The following CFAP47 variants were observed in gnomAD, a reference collection of about 807,000 sequenced individuals.
CFAP47 encodes cilia and flagella associated protein 47, also known as cilia- and flagella-associated protein 47.
A neutral mutation model predicts 148.1 loss-of-function variants in CFAP47; 29 were observed. The observed-to-expected ratio is 0.20, with a 90% confidence interval of 0.15 to 0.27. The LOEUF (loss-of-function observed/expected upper bound fraction) is 0.27, where lower values mean the gene tolerates loss of function less well. Among genes scored for constraint, CFAP47 ranks in the 10% least tolerant of loss-of-function variants. CFAP47 has a pLI of 1.00. For missense variants in CFAP47, 1,872 were observed against 1,697.5 expected (o/e 1.10, Z -1.81); for synonymous variants, 664 against 577.3 (o/e 1.15, Z -2.15).
intron 48 of CFAP47, among the ~76,000 whole-genome samples, chrX:36,237,850 C>CTTTGCTT (rs1342067453): frequency 1.8e-5 from 2 of 110,309 alleles, no homozygotes; most frequent in Non-Finnish European, 3.8e-5. Flanking sequence ...TGGGTTTACT[C>CTTTGCTT]TTTGCTTTTT....
Position 36,348,230 on chromosome X carries a change from G to A in CFAP47, c.8545G>A (p.Ala2849Thr), listed in dbSNP as rs887813864. ...KTMVIIEMTK[A>T]NGKYWPIDNF... ...AATGGTTATTATTGAGATGACGAAAGCAAATGGAAAATATTGGCCTATTGA... is the reference window on the plus strand; with the variant it reads ...AATGGTTATTATTGAGATGACGAAAACAAATGGAAAATATTGGCCTATTGA... Residue 2849 changes from alanine (A) to threonine (T), a missense_variant, in exon 58 of 64, where the codon GCA (alanine) becomes ACA (threonine). Ala to Thr is a moderately conservative substitution (Grantham distance 58). Coordinates refer to ENST00000378653, the MANE Select transcript of CFAP47 (RefSeq NM_001304548.2). 5 of 1,061,557 alleles carry A rather than the reference G, an allele frequency of 4.7e-6. No homozygotes were observed. Among genetic ancestry groups the A allele is most frequent in the Non-Finnish European group, 2.4e-6 (2 of 819,764 alleles). 87.5% of individuals were successfully genotyped at this position (1,061,557 alleles called of 1,213,427 possible).
rs782109361 is a variant in CFAP47, at chrX:36,302,015, G to T, written c.7970+836G>T. 8.3e-5 allele frequency among the ~76,000 whole-genome samples: 9 copies of T among 108,341 alleles called. No individual in the cohort carries two copies. The South Asian group carries it at 3.7e-3, about 44-fold the overall frequency. The allele number at this position is 108,341 out of a possible 115,157, so 94.1% of individuals were successfully genotyped here. ...GTACCAGCTCTTTAGCCAAAACAAT[G>T]ACATTTGAAATTTTTTTCTTACAGT... is the stretch of plus-strand genomic sequence containing the variant. On this transcript the variant is annotated intron_variant, in intron 53 of 63. Coordinates refer to ENST00000378653, the MANE Select transcript of CFAP47 (RefSeq NM_001304548.2).
At position 35,939,473 on chromosome X, in the gene CFAP47, T is replaced by C. The variant is rs1473872285; in HGVS notation, c.402-1810T>C. Among the ~76,000 whole-genome samples, 4 of 81,786 alleles carry C rather than the reference T, an allele frequency of 4.9e-5. No individual in the cohort carries two copies. The East Asian group carries it at 1.7e-3, about 36-fold the overall frequency. The allele number at this position is 81,786 out of a possible 115,157, so 71.0% of individuals were successfully genotyped here. On this transcript the variant is annotated intron_variant, in intron 2 of 63. Transcript: ENST00000378653. The stretch of plus-strand genomic sequence containing the variant: ...CCCCACCCCACAACAGTCCCCAGAG[T>C]GTGATGCTCCCCTTCCTGTGTCCAT...
chrX:35,926,120 G>A lies in CFAP47; in HGVS notation c.353G>A (p.Arg118Gln), dbSNP rs370040967. 25 of 1,203,276 alleles carry A rather than the reference G, an allele frequency of 2.1e-5. No homozygotes were observed. Among genetic ancestry groups the A allele is most frequent in the Non-Finnish European group, 2.5e-5 (22 of 889,952 alleles). Residue 118 changes from arginine (R) to glutamine (Q), a missense_variant, in exon 2 of 64, where the codon CGG becomes CAG. Transcript: ENST00000378653. ...GATAAAGACGAAGACACTTTTGACC[G>A]GCTACTTATTTCAATAGAAAATAAA... ...HPDKDEDTFD[R>Q]LLISIENKTT...
chrX:36,297,846 G>A (rs1385356946), intron 51 of CFAP47, among the ~76,000 whole-genome samples: 1 of 111,764 alleles, frequency 8.9e-6, no homozygotes, highest in Non-Finnish European at 1.9e-5. Flanking sequence ...AGCATCATGT[G>A]GAAACTTTTT....
intron 33 of CFAP47, among the ~76,000 whole-genome samples, chrX:36,117,796 T>C (rs1276883628): frequency 9.0e-6 from 1 of 111,730 alleles, no homozygotes; most frequent in Non-Finnish European, 1.9e-5. Flanking sequence ...GATTGTGGGG[T>C]ATTAATAAAG....
chrX:36,128,609 A>C (rs751736237), intron 33 of CFAP47, among the ~76,000 whole-genome samples: 1 of 110,619 alleles, frequency 9.0e-6, no homozygotes, highest in African/African-American at 3.3e-5. Context: ...GTATAATCTT[A>C]AACAGAGCAT....
chrX:36,061,826 TG>T (rs955754741), intron 26 of CFAP47, among the ~76,000 whole-genome samples: 13 of 111,933 alleles, frequency 1.2e-4, no homozygotes, highest in Middle Eastern at 4.6e-3. Context: ...TTTATGGTGA[TG>T]GGGGTGGTCA....
chrX:35,923,866 CATATATGTATATATGTACATATAT>C (rs1935620418), intron 1 of CFAP47, among the ~76,000 whole-genome samples: 2 of 92,022 alleles, frequency 2.2e-5, no homozygotes, highest in East Asian at 6.7e-4. Context: ...TATATATGTA[CATATATGTATATATGTACATATAT>C]ATGTGTATAT....
chrX:36,381,743 G>T (rs1462727838), intron 63 of CFAP47, among the ~76,000 whole-genome samples: 2 of 110,288 alleles, frequency 1.8e-5, no homozygotes, highest in Non-Finnish European at 3.8e-5. Flanking sequence ...ATAAATCTTA[G>T]TTTATGAAAA....
In CFAP47 at chrX:36,351,401, C is replaced by G. The variant is rs927000607; in HGVS notation, c.8698+1269C>G. 2.7e-5 allele frequency among the ~76,000 whole-genome samples: 3 copies of G among 111,715 alleles called. No individual in the cohort carries two copies. In the South Asian group the frequency reaches 1.1e-3, roughly 41 times the overall value. ...ATTGTATACTTCTGATATAGCTGAA[C>G]TGCTTAAAATTTATAATACACAGTC... On this transcript the variant is annotated intron_variant, in intron 59 of 63. Transcript: ENST00000378653.
chrX:36,148,658 A>G (rs2146841038), intron 36 of CFAP47, among the ~76,000 whole-genome samples: 1 of 111,901 alleles, frequency 8.9e-6, no homozygotes, highest in South Asian at 3.8e-4. Context: ...ATTCAGCCTG[A>G]AACTGTTTTT....
chrX:35,929,788 C>T (rs1438111733), intron 2 of CFAP47, among the ~76,000 whole-genome samples: 3 of 110,855 alleles, frequency 2.7e-5, no homozygotes, highest in Non-Finnish European at 5.7e-5. Context: ...CACTTGAGGC[C>T]AGGAGTTCGA....
rs193228606 is a variant in CFAP47 at position 36,320,721 on chromosome X, T to C, written c.8443+1414T>C. Among the ~76,000 whole-genome samples, 188 of 112,372 alleles carry C rather than the reference T, an allele frequency of 1.7e-3. 2 individuals are homozygous for C. Among genetic ancestry groups the C allele is most frequent in the African/African-American group, 5.8e-3 (179 of 31,043 alleles). On this transcript the variant is annotated intron_variant, in intron 57 of 63. Transcript: ENST00000378653. The stretch of plus-strand genomic sequence containing the variant: ...AGATACTGATTTTTAAAAATGACCA[T>C]CTAGATTTTTTCCCTTTTTTTAAGT...
At chrX:36,342,581 A>G (rs144733846) in intron 57 of CFAP47, among the ~76,000 whole-genome samples, 3,208 of 111,380 alleles carry the variant, frequency 0.029, 47 homozygotes, top group Non-Finnish European at 0.043. Flanking sequence ...TGGAAATGCT[A>G]TGAAGCTAGC....
At position 36,303,436 on chromosome X, in the gene CFAP47, C is replaced by G. The variant is rs1300869575; in HGVS notation, c.7971-413C>G. 3.0e-4 allele frequency among the ~76,000 whole-genome samples: 33 copies of G among 110,923 alleles called. No homozygotes were observed. The Admixed American group carries it at 3.2e-3, about 11-fold the overall frequency. ...CTGGCCTCAAGTGACCCTCCAGACTCAGCTTCCCAAAGCATTGGGATTACA... is the reference window on the plus strand; with the variant it reads ...CTGGCCTCAAGTGACCCTCCAGACTGAGCTTCCCAAAGCATTGGGATTACA... On this transcript the variant is annotated intron_variant, in intron 53 of 63. Transcript: ENST00000378653.
At chrX:36,134,734 A>G (rs1178417988) in intron 33 of CFAP47, among the ~76,000 whole-genome samples, 1 of 110,985 alleles carries the variant, frequency 9.0e-6, no homozygotes, top group African/African-American at 3.3e-5. Context: ...ATTGGACTTT[A>G]CCATATTAAA....
intron 24 of CFAP47, among the ~76,000 whole-genome samples, chrX:36,037,338 TTTGTTGTTG>T (rs768498053): frequency 0.028 from 2,951 of 106,172 alleles, 109 homozygotes; most frequent in African/African-American, 0.092. Context: ...AACTTTACTC[TTTGTTGTTG>T]TTGTTGTTGT....
intron 26 of CFAP47, among the ~76,000 whole-genome samples, 171 bp from the exon 27 acceptor site, chrX:36,065,472 A>C (rs1937628837): frequency 8.9e-6 from 1 of 112,272 alleles, no homozygotes; most frequent in African/African-American, 3.2e-5. Flanking sequence ...TAGAAGTAAA[A>C]ATTTTAAAAA....
Sources: gnomAD v4.1 joint callset for allele counts (sites outside exome capture counted in the v4.1 genomes callset) on GRCh38, gnomAD v4.1.1 for gene constraint, MANE v1.5 for transcripts, NCBI Gene and HGNC (gene_info 2026-07-23, HGNC 2026-07-21) for gene names.